The following TDRD12 variants were observed in gnomAD, a reference collection of about 807,000 sequenced individuals.
The protein encoded by TDRD12 is tudor domain containing 12.
A neutral mutation model predicts 133.5 loss-of-function variants in TDRD12; 158 were observed. The observed-to-expected ratio is 1.18, with a 90% confidence interval of 1.04 to 1.35. TDRD12 has a LOEUF of 1.35. TDRD12 is among the 40% of genes most tolerant of loss of function. TDRD12 has a pLI of 0.00. For synonymous variants in TDRD12, 460 were observed against 477.9 expected (o/e 0.96, Z 0.49); for missense variants, 1,443 against 1,321.3 (o/e 1.09, Z -1.43).
chr19:32,800,620 A>G (rs1971359639), intron 17 of TDRD12, 24 bp from the exon 18 acceptor site: 1 of 1,518,538 alleles, frequency 6.6e-7, no homozygotes, highest in Non-Finnish European at 8.8e-7. Flanking sequence ...AAAAAGTCAC[A>G]TTGTTTCTGT....
At chr19:32,786,588 A>G (rs1336402346) in intron 11 of TDRD12, among the ~76,000 whole-genome samples, 1 of 152,148 alleles carries the variant, frequency 6.6e-6, no homozygotes, top group Non-Finnish European at 1.5e-5. Flanking sequence ...GTCTTTTCAC[A>G]TAGTCCCATA....
chr19:32,827,048 A>C, intron 9 of TDRD12, 116 bp from the exon 33 acceptor site: 1 of 463,462 alleles, frequency 2.2e-6, no homozygotes, highest in African/African-American at 2.0e-5. Flanking sequence ...TGAAAATATA[A>C]GATACATAGA....
At chr19:32,799,704 C>T (rs1427958301) in intron 16 of TDRD12, among the ~76,000 whole-genome samples, 1 of 135,478 alleles carries the variant, frequency 7.4e-6, no homozygotes, top group Non-Finnish European at 1.6e-5. Context: ...TTAAACTTGA[C>T]ATTTTCTCCT....
intron 11 of TDRD12, among the ~76,000 whole-genome samples, chr19:32,781,647 T>C (rs913406251): frequency 1.3e-5 from 2 of 152,192 alleles, no homozygotes; most frequent in Non-Finnish European, 2.9e-5. Context: ...ACGTCCACTC[T>C]ATTCTGATTT....
intron 17 of TDRD12, 45 bp downstream of exon 17, chr19:32,800,403 ATG>A: frequency 7.9e-7 from 1 of 1,271,484 alleles, no homozygotes; most frequent in African/African-American, 1.5e-5. Flanking sequence ...GTGTGTGTGT[ATG>A]TGTTGGTGGG....
In TDRD12 at chr19:32,776,590, A is replaced by G. The variant is rs186163098; in HGVS notation, c.1041-559A>G. On this transcript the variant is annotated intron_variant, in intron 10 of 27. Coordinates refer to ENST00000444215, the Ensembl canonical transcript of TDRD12. ...TCAACACAGAGACACAGAGAGAAAA[A>G]AGACAAGAAAGTCCTGGTGATTCTG... 4.2e-3 allele frequency among the ~76,000 whole-genome samples: 642 copies of G among 152,304 alleles called. 2 individuals carry two copies. The highest frequency in any genetic ancestry group is 0.014 in the African/African-American group (587 of 41,574).
At chr19:32,794,567 A>G (rs1971168265) in intron 13 of TDRD12, 61 bp from the exon 14 acceptor site, 1 of 679,954 alleles carries the variant, frequency 1.5e-6, no homozygotes. Context: ...TGAGCCATGC[A>G]ATGGAGTTTT....
downstream of TDRD12, among the ~76,000 whole-genome samples, chr19:32,822,498 A>T (rs1292614098): frequency 6.6e-6 from 1 of 152,156 alleles, no homozygotes; most frequent in East Asian, 1.9e-4. Context: ...CTGTAATCCC[A>T]GCACTTTGGG....
intron 3 of TDRD12, among the ~76,000 whole-genome samples, chr19:32,742,370 A>G (rs1192953728): frequency 6.6e-6 from 1 of 152,128 alleles, no homozygotes; most frequent in East Asian, 1.9e-4. Context: ...CATGTTGGCC[A>G]GGCTGATCTT....
chr19:32,733,177 AAAT>A (rs1364744964), intron 2 of TDRD12, among the ~76,000 whole-genome samples: 2 of 152,020 alleles, frequency 1.3e-5, no homozygotes, highest in Non-Finnish European at 2.9e-5. Context: ...CTCTTAAAAA[AAAT>A]ATGCGTAGCC....
At chr19:32,798,630 A>T (rs1487738965) in intron 16 of TDRD12, among the ~76,000 whole-genome samples, 195 bp downstream of exon 16, 5 of 152,258 alleles carry the variant, frequency 3.3e-5, no homozygotes, top group African/African-American at 1.2e-4. Context: ...ATTCTTTCTG[A>T]AGTGCAAACA....
At chr19:32,754,517 A>AT (rs1969931937) in intron 6 of TDRD12, among the ~76,000 whole-genome samples, 2 of 150,228 alleles carry the variant, frequency 1.3e-5, no homozygotes, top group South Asian at 4.5e-4. Context: ...GTTTTTTTTC[A>AT]TTTTTTTAAA....
In TDRD12 at chr19:32,730,484, A is replaced by G. The variant is rs141993124; in HGVS notation, c.25-1241A>G. ...AAATAGTCATTTTTGTATTTTTTCC[A>G]GGGTTTATTATTGTTACCCACAGGT... On this transcript the variant is annotated intron_variant, in intron 1 of 27. Coordinates refer to ENST00000444215, the Ensembl canonical transcript of TDRD12. Among the ~76,000 whole-genome samples the G allele has an allele frequency of 5.2e-3, 785 of 152,174 alleles. 5 individuals are homozygous for G. The highest frequency in any genetic ancestry group is 7.0e-3 in the Admixed American group (107 of 15,276).
At chr19:32,774,917 G>A (rs545699403) in intron 10 of TDRD12, among the ~76,000 whole-genome samples, 256 of 151,992 alleles carry the variant, frequency 1.7e-3, no homozygotes, top group African/African-American at 5.8e-3. Flanking sequence ...CCCAGGAGGC[G>A]GGGTTTGCAG....
intron 26 of TDRD12, 138 bp downstream of exon 26, chr19:32,815,758 G>A: frequency 1.3e-6 from 1 of 768,164 alleles, no homozygotes; most frequent in South Asian, 2.0e-5. Context: ...CACTTTGGGA[G>A]GCCAAGGTGG....
At chr19:32,800,968 C>CG (rs60245265) in intron 18 of TDRD12, among the ~76,000 whole-genome samples, 196 bp downstream of exon 18, 3,794 of 151,654 alleles carry the variant, frequency 0.025, 173 homozygotes, top group African/African-American at 0.088. Context: ...GAGCCAGGTG[C>CG]GGGGGCAGGG....
intron 2 of TDRD12, among the ~76,000 whole-genome samples, chr19:32,733,895 A>ATTTT (rs61612791): frequency 7.0e-6 from 1 of 142,374 alleles, no homozygotes. Flanking sequence ...TAATTAATTA[A>ATTTT]TTTTTTTTTT....
chr19:32,799,828 G>A (rs112173813), intron 16 of TDRD12, among the ~76,000 whole-genome samples: 3 of 135,668 alleles, frequency 2.2e-5, no homozygotes, highest in South Asian at 4.9e-4. Flanking sequence ...TCCACCTCCC[G>A]GGTTCAGGCA....
intron 3 of TDRD12, among the ~76,000 whole-genome samples, chr19:32,740,194 TGG>T (rs1438149636): frequency 2.3e-5 from 3 of 129,970 alleles, no homozygotes; most frequent in Admixed American, 7.5e-5. Flanking sequence ...CTGCATCTCC[TGG>T]GTGCTCTCTG....
Sources: allele counts gnomAD v4.1 joint callset (sites outside exome capture counted in the v4.1 genomes callset), GRCh38; gene constraint gnomAD v4.1.1; transcripts MANE v1.5; gene names NCBI Gene and HGNC (gene_info 2026-07-23, HGNC 2026-07-21).